Variants in KANSL3 observed in about 807,000 individuals in gnomAD.
KANSL3 encodes KAT8 regulatory NSL complex subunit 3.
KANSL3 carries 16 observed loss-of-function variants against 89.2 expected under a neutral mutation model. The observed-to-expected ratio is 0.18, with a 90% confidence interval of 0.12 to 0.27. KANSL3 has a LOEUF of 0.27. Ranked by LOEUF, KANSL3 falls within the 10% of genes least tolerant of loss-of-function variation. The probability of loss-of-function intolerance (pLI) is 1.00; values close to 1 mark genes in which losing one functional copy is unlikely to be tolerated. For missense variants in KANSL3, 879 were observed against 1,110.6 expected (o/e 0.79, Z 2.96); for synonymous variants, 385 against 419.7 (o/e 0.92, Z 1.01).
intron 3 of KANSL3, among the ~76,000 whole-genome samples, chr2:96,625,703 A>C (rs1003818330): frequency 6.6e-6 from 1 of 152,204 alleles, no homozygotes; most frequent in African/African-American, 2.4e-5. Flanking sequence ...AAATCCCAGA[A>C]AAAGTTCTTA....
At chr2:96,619,300 G>A in intron 5 of KANSL3, 59 bp downstream of exon 5, 1 of 1,493,664 alleles carries the variant, frequency 6.7e-7, no homozygotes, top group Non-Finnish European at 9.1e-7. Context: ...CCCACATCCT[G>A]AACCCACAGG....
rs2074332876 is a variant in KANSL3 at position 96,636,949 on chromosome 2, T to G, written c.187A>C (p.Thr63Pro). The change falls in exon 2 of 21, where the codon ACT (threonine) becomes CCT (proline). Residue 63 changes from threonine to proline, a missense_variant. Physicochemically the swap from Thr to Pro is conservative, Grantham distance 38. Around this residue, in one of 6 missense-constraint regions of KANSL3, gnomAD observed 210 missense variants for 311.9 expected, o/e 0.67. Transcript: ENST00000431828. ...SARPTRMLFVTPRRQHESTIE... is the reference protein window; with the variant it reads ...SARPTRMLFVPPRRQHESTIE... ...GTACTTTCGTGCTGCCGCCGGGGAGTGACAAAGAGCATGCGGGTGGGGCGG... is the reference window on the plus strand; with the variant it reads ...GTACTTTCGTGCTGCCGCCGGGGAGGGACAAAGAGCATGCGGGTGGGGCGG... The G allele has an allele frequency of 2.5e-5, 38 of 1,540,424 alleles. No individual in the cohort carries two copies. The highest frequency in any genetic ancestry group is 2.9e-5 in the Non-Finnish European group (33 of 1,140,558).
At chr2:96,604,045 G>T in intron 17 of KANSL3, 1 of 492,826 alleles carries the variant, frequency 2.0e-6, no homozygotes, top group Non-Finnish European at 3.5e-6. Flanking sequence ...TTGCAGACCA[G>T]GACATTTACT....
downstream of KANSL3, among the ~76,000 whole-genome samples, chr2:96,590,941 G>A (rs770246391): frequency 1.3e-5 from 2 of 152,068 alleles, no homozygotes; most frequent in African/African-American, 2.4e-5. Flanking sequence ...AGCTGAGATC[G>A]TGCCACTGCA....
Position 96,619,416 on chromosome 2 carries a change from G to A in KANSL3, c.606C>T (p.Thr202=), listed in dbSNP as rs2070830000. 1 of 1,613,698 alleles carries A rather than the reference G, an allele frequency of 6.2e-7. No individual in the cohort carries two copies. Among genetic ancestry groups the A allele is most frequent in the Admixed American group, 1.7e-5 (1 of 59,992 alleles). ...AGGCTGCCAGCATGGGCAGACTCAA[G>A]GTCTCCACAAGGGTGGTGTGCAGCC... ...IQWLHTTLVE[T]LSLPMLAAYL... The change falls in exon 5 of 21, where the codon ACC becomes ACT. Residue 202 remains threonine (T), a synonymous_variant. Transcript: ENST00000431828.
chr2:96,623,714 G>A (rs539162852), intron 3 of KANSL3, among the ~76,000 whole-genome samples: 19 of 152,266 alleles, frequency 1.2e-4, no homozygotes, highest in African/African-American at 4.1e-4. Flanking sequence ...TATGTGCCCT[G>A]AGTCTTCTTG....
Position 96,608,960 on chromosome 2 carries a change from A to G in KANSL3, c.1488T>C (p.Asp496=), listed in dbSNP as rs1273899661. The part of the protein sequence containing the change: ...QDAEKKKKPR[D]VARRDLAFEV... Reference sequence around the variant, plus strand: ...CAAAGGCCAAGTCTCTGCGGGCCACATCGCGGGGCTTCTTCTTCTTCTCAG... The same window carrying G: ...CAAAGGCCAAGTCTCTGCGGGCCACGTCGCGGGGCTTCTTCTTCTTCTCAG... Residue 496 remains aspartate, a synonymous_variant, in exon 13 of 21, where the codon GAT becomes GAC. Coordinates refer to ENST00000431828, the MANE Select transcript of KANSL3 (RefSeq NM_001115016.3). The G allele has an allele frequency of 3.2e-6, 5 of 1,563,070 alleles. No individual in the cohort carries two copies. Among genetic ancestry groups the G allele is most frequent in the African/African-American group, 2.7e-5 (2 of 73,674 alleles).
At chr2:96,583,912 G>A in the KANSL3 span, among the ~76,000 whole-genome samples, 1 of 152,214 alleles carries the variant, frequency 6.6e-6, no homozygotes, top group African/African-American at 2.4e-5. Flanking sequence ...CCATTCTAGT[G>A]AGTGTAAAGT....
Position 96,608,534 on chromosome 2 carries a change from G to C in KANSL3, c.1715C>G (p.Ala572Gly), listed in dbSNP as rs761340942. Residue 572 changes from alanine (A) to glycine (G), a missense_variant, in exon 14 of 21, where the codon GCT becomes GGT. Coordinates refer to ENST00000431828, the MANE Select transcript of KANSL3 (RefSeq NM_001115016.3). ...TTGAGCTTGTTTGTGGGTCAGCACA[G>C]CTTCTGTCCGCTGCACATGTCTCTT... is the stretch of plus-strand genomic sequence containing the variant. ...LLKRHVQRTE[A>G]VLTHKQAQVP... is the part of the protein sequence containing the mutation. 2.5e-6 allele frequency: 4 copies of C among 1,614,018 alleles called. No individual in the cohort carries two copies. The South Asian group carries it at 4.4e-5, about 18-fold the overall frequency.
rs746293464 is a variant in KANSL3 at position 96,593,669 on chromosome 2, G to A, written c.*1942C>T. ...CTAGAATTTATCATAAAGGCAGGTC[G>A]GCTTGTTAGTTTTTCTTTGTCCCCA... On this transcript the variant is annotated 3_prime_UTR_variant, in exon 21 of 21. Transcript: ENST00000431828. The A allele has an allele frequency of 3.5e-4, 73 of 210,272 alleles. No individual in the cohort carries two copies. The highest frequency in any genetic ancestry group is 5.8e-4 in the Non-Finnish European group (59 of 101,664). The allele number at this position is 210,272 out of a possible 1,614,324, so 13.0% of individuals were successfully genotyped here. A position where few individuals can be genotyped will look rare whatever the true frequency, so the allele number is the denominator to read the frequency against.
At chr2:96,629,698 CT>C (rs1164353910) in intron 3 of KANSL3, among the ~76,000 whole-genome samples, 1 of 152,158 alleles carries the variant, frequency 6.6e-6, no homozygotes, top group Non-Finnish European at 1.5e-5. Flanking sequence ...AGAACTGCTC[CT>C]CCCTCAACAG....
intron 2 of KANSL3, chr2:96,634,137 G>C (rs753501339): frequency 6.6e-5 from 10 of 152,172 alleles, no homozygotes; most frequent in Non-Finnish European, 1.2e-4. Flanking sequence ...AGATGACCTG[G>C]AATGCACATA....
rs140648575 is a variant in KANSL3, at chr2:96,619,805, C to T, written c.387-43G>A. 331 of 1,417,166 alleles carry T rather than the reference C, an allele frequency of 2.3e-4. 1 individual carries two copies. The highest frequency in any genetic ancestry group is 3.5e-4 in the Middle Eastern group (2 of 5,748). 87.8% of individuals were successfully genotyped at this position (1,417,166 alleles called of 1,614,324 possible). A position where few individuals can be genotyped will look rare whatever the true frequency, so the allele number is the denominator to read the frequency against. ...AGGAATTATAGTCAAACCCTGGGGA[C>T]GCTCCCCATGTATGTACACCATATA... On this transcript the variant is annotated intron_variant, in intron 3 of 20. Transcript: ENST00000431828.
At chr2:96,600,938 A>G (rs1466347899) in intron 20 of KANSL3, 1 of 966,410 alleles carries the variant, frequency 1.0e-6, no homozygotes, top group Non-Finnish European at 1.2e-6. Flanking sequence ...TAAACCTTGG[A>G]GTTCAAGGCC....
the KANSL3 span, among the ~76,000 whole-genome samples, chr2:96,586,440 T>G: frequency 1.3e-5 from 2 of 152,162 alleles, no homozygotes; most frequent in African/African-American, 4.8e-5. Context: ...AAAGATTTTC[T>G]GTCTTTAATT....
Position 96,605,246 on chromosome 2 carries a change from G to A in KANSL3, c.1933+74C>T, listed in dbSNP as rs2067801504. Reference sequence around the variant, plus strand: ...ATAAAGCAAAGGCTGACATGCTGGTGAATGGCCACCAAAGGGCAATGCTGT... The same window carrying A: ...ATAAAGCAAAGGCTGACATGCTGGTAAATGGCCACCAAAGGGCAATGCTGT... On this transcript the variant is annotated intron_variant, in intron 15 of 20. Transcript: ENST00000431828. 7 of 1,302,776 alleles carry A rather than the reference G, an allele frequency of 5.4e-6. No homozygotes were observed. In the East Asian group the frequency reaches 1.6e-4, roughly 31 times the overall value. The allele number at this position is 1,302,776 out of a possible 1,614,324, so 80.7% of individuals were successfully genotyped here.
chr2:96,613,488 T>A lies in KANSL3; in HGVS notation c.795A>T (p.Pro265=), dbSNP rs201372384. The A allele has an allele frequency of 6.2e-7, 1 of 1,613,118 alleles. No individual in the cohort carries two copies. Among genetic ancestry groups the A allele is most frequent in the Non-Finnish European group, 8.5e-7 (1 of 1,179,362 alleles). The part of the protein sequence containing the change: ...PAVGVLSHNK[P]SKLPGSPLIL... ...TTAAGTCCTGAGCCATCCAACTTACTGGTTTGTTATGAGAAAGCACACCCA... is the reference window on the plus strand; with the variant it reads ...TTAAGTCCTGAGCCATCCAACTTACAGGTTTGTTATGAGAAAGCACACCCA... Residue 265 remains proline, a splice_region_variant and synonymous_variant, in exon 6 of 21, where the codon CCA becomes CCT. Coordinates refer to ENST00000431828, the MANE Select transcript of KANSL3 (RefSeq NM_001115016.3).
intron 2 of KANSL3, among the ~76,000 whole-genome samples, chr2:96,636,545 C>A (rs1032758844): frequency 2.6e-5 from 4 of 152,340 alleles, no homozygotes; most frequent in Admixed American, 6.5e-5. Context: ...CACTGTCAAG[C>A]AACCCAGAGC....
Position 96,600,704 on chromosome 2 carries a change from T to A in KANSL3, c.2616+939A>T, listed in dbSNP as rs557432877. On this transcript the variant is annotated intron_variant, in intron 20 of 20. Transcript: ENST00000431828. ...TAACTTCTAATCTTTGAGTGGCTCC[T>A]CAGATTACCATTTTAAGATTAGAAA... 3 of 985,410 alleles carry A rather than the reference T, an allele frequency of 3.0e-6. No homozygotes were observed. In the African/African-American group the frequency reaches 5.2e-5, roughly 17 times the overall value. 61.0% of individuals were successfully genotyped at this position (985,410 alleles called of 1,614,324 possible). A position where few individuals can be genotyped will look rare whatever the true frequency, so the allele number is the denominator to read the frequency against.
Sources: allele counts gnomAD v4.1 joint callset (sites outside exome capture counted in the v4.1 genomes callset), GRCh38; gene constraint gnomAD v4.1.1; regional missense constraint gnomAD v4.1.1; transcripts MANE v1.5; gene names NCBI Gene and HGNC (gene_info 2026-07-23, HGNC 2026-07-21).